DOK5: variants seen among roughly 807,000 people sequenced by gnomAD.
The protein encoded by DOK5 is downstream of tyrosine kinase 5.
Under a neutral mutation model 43.3 loss-of-function variants are expected in DOK5, and 27 were observed. The ratio of observed to expected loss-of-function variants is 0.62; its 90% CI spans 0.46 to 0.86. DOK5 has a LOEUF of 0.86. Among genes scored for constraint, DOK5 ranks in the 40% least tolerant of loss-of-function variants. The pLI, the probability that DOK5 is intolerant of heterozygous loss-of-function variation, is 0.00. For synonymous variants in DOK5, 146 were observed against 140.1 expected (o/e 1.04, Z -0.30); for missense variants, 373 against 392.9 (o/e 0.95, Z 0.43).
At chr20:54,649,339 C>T (rs1384147981) in intron 7 of DOK5, among the ~76,000 whole-genome samples, 1 of 152,120 alleles carries the variant, frequency 6.6e-6, no homozygotes, top group Non-Finnish European at 1.5e-5. Flanking sequence ...GGAGGATCAC[C>T]TGAGCTCAAG....
At chr20:54,585,183 C>T (rs1753675370) in intron 2 of DOK5, among the ~76,000 whole-genome samples, 1 of 151,860 alleles carries the variant, frequency 6.6e-6, no homozygotes, top group African/African-American at 2.4e-5. Flanking sequence ...TGTGTGTGCA[C>T]ATGCCCACTA....
At chr20:54,633,686 G>T (rs1167272986) in intron 6 of DOK5, among the ~76,000 whole-genome samples, 2 of 152,192 alleles carry the variant, frequency 1.3e-5, no homozygotes, top group African/African-American at 4.8e-5. Context: ...TGCATATGCA[G>T]AGTTGTTATT....
intron 1 of DOK5, among the ~76,000 whole-genome samples, chr20:54,529,724 C>T (rs1422348014): frequency 6.6e-6 from 1 of 152,216 alleles, no homozygotes; most frequent in Non-Finnish European, 1.5e-5. Flanking sequence ...AGTCACTTCT[C>T]ATTTTCCCTT....
At chr20:54,488,781 C>A (rs1299333955) in intron 1 of DOK5, among the ~76,000 whole-genome samples, 2 of 121,816 alleles carry the variant, frequency 1.6e-5, no homozygotes, top group South Asian at 2.4e-4. Context: ...TCCCTCCCCT[C>A]GTCCCTCCCT....
intron 7 of DOK5, among the ~76,000 whole-genome samples, chr20:54,647,488 A>G (rs928265585): frequency 2.0e-5 from 3 of 151,584 alleles, no homozygotes; most frequent in African/African-American, 7.3e-5. Flanking sequence ...CTGGGCAACA[A>G]GAGTGAAACT....
chr20:54,494,429 T>C (rs1568753318), intron 1 of DOK5, among the ~76,000 whole-genome samples: 1 of 152,128 alleles, frequency 6.6e-6, no homozygotes, highest in South Asian at 2.1e-4. Context: ...GTGAGCATGG[T>C]TTTAATAGTT....
At chr20:54,541,635 C>A (rs1198294712) in intron 1 of DOK5, among the ~76,000 whole-genome samples, 3 of 151,990 alleles carry the variant, frequency 2.0e-5, no homozygotes, top group African/African-American at 7.3e-5. Flanking sequence ...GGGGGATTCA[C>A]CACATTGGCC....
intron 1 of DOK5, among the ~76,000 whole-genome samples, chr20:54,534,877 C>T (rs945430534): frequency 4.1e-5 from 6 of 144,984 alleles, no homozygotes; most frequent in African/African-American, 1.7e-4. Flanking sequence ...CACTCTGTCG[C>T]ACAGGCTGGA....
At chr20:54,611,489 A>T (rs1986648954) in intron 6 of DOK5, among the ~76,000 whole-genome samples, 1 of 152,146 alleles carries the variant, frequency 6.6e-6, no homozygotes, top group Non-Finnish European at 1.5e-5. Flanking sequence ...TGAGCCCAGG[A>T]GGTGAAGGCT....
intron 1 of DOK5, among the ~76,000 whole-genome samples, chr20:54,477,986 T>G (rs1981501913): frequency 6.6e-6 from 1 of 152,228 alleles, no homozygotes; most frequent in Non-Finnish European, 1.5e-5. Context: ...ATTTAGTTTG[T>G]ATTTGTTTTA....
chr20:54,601,890 C>T (rs28679661), intron 5 of DOK5, among the ~76,000 whole-genome samples: 2 of 152,156 alleles, frequency 1.3e-5, no homozygotes, highest in Non-Finnish European at 2.9e-5. Context: ...TCTTAGAGGG[C>T]GATTCCTGTT....
At chr20:54,594,770 A>G (rs567626167) in intron 5 of DOK5, among the ~76,000 whole-genome samples, 47 of 152,340 alleles carry the variant, frequency 3.1e-4, no homozygotes, top group African/African-American at 1.1e-3. Context: ...AGTAAACTTT[A>G]TTAGTATCTC....
intron 2 of DOK5, among the ~76,000 whole-genome samples, chr20:54,568,734 T>C (rs1220698307): frequency 6.6e-6 from 1 of 151,944 alleles, no homozygotes; most frequent in African/African-American, 2.4e-5. Flanking sequence ...ATCGAGACCA[T>C]CCTGGCTAAC....
intron 1 of DOK5, 182 bp downstream of exon 1, chr20:54,476,194 T>C (rs1981417950): frequency 1.4e-5 from 14 of 985,406 alleles, no homozygotes; most frequent in Non-Finnish European, 1.7e-5. Context: ...AGGTATGTAA[T>C]GGATCTATCT....
intron 1 of DOK5, among the ~76,000 whole-genome samples, chr20:54,480,944 T>TATCTATCTATCATCTATC: frequency 7.1e-6 from 1 of 140,870 alleles, no homozygotes; most frequent in African/African-American, 3.0e-5. Context: ...ATCATCTATC[T>TATCTATCTATCATCTATC]ATCTATCATC....
At chr20:54,482,578 C>T (rs1003491669) in intron 1 of DOK5, among the ~76,000 whole-genome samples, 11 of 151,208 alleles carry the variant, frequency 7.3e-5, no homozygotes, top group African/African-American at 1.7e-4. Flanking sequence ...TCACTTGCAG[C>T]CTCCATCTCC....
At chr20:54,637,850 C>G in intron 6 of DOK5, among the ~76,000 whole-genome samples, 1 of 152,084 alleles carries the variant, frequency 6.6e-6, no homozygotes, top group African/African-American at 2.4e-5. Flanking sequence ...TGGCCGGGCG[C>G]GGTGGCTCAC....
chr20:54,567,419 A>T (rs115484950), intron 2 of DOK5, among the ~76,000 whole-genome samples: 6,063 of 152,166 alleles, frequency 0.04, 418 homozygotes, highest in African/African-American at 0.14. Context: ...TTATTCCACT[A>T]TCATTTGTTG....
chr20:54,577,290 A>G (rs1985483771), intron 2 of DOK5, among the ~76,000 whole-genome samples: 1 of 152,218 alleles, frequency 6.6e-6, no homozygotes, highest in South Asian at 2.1e-4. Context: ...GTTTGATTAA[A>G]GTGAATAGGC....
Sources: allele counts gnomAD v4.1 joint callset (sites outside exome capture counted in the v4.1 genomes callset), GRCh38; gene constraint gnomAD v4.1.1; transcripts MANE v1.5; gene names NCBI Gene and HGNC (gene_info 2026-07-23, HGNC 2026-07-21).